Variants in CAST observed in about 807,000 individuals in gnomAD.
The protein encoded by CAST is MIR583 host.
In CAST, 76 loss-of-function variants were observed where a neutral mutation model predicts 119.6. The ratio of observed to expected loss-of-function variants is 0.64; its 90% CI spans 0.53 to 0.77. The LOEUF (loss-of-function observed/expected upper bound fraction) is 0.77. Ranked by LOEUF, CAST falls within the 30% of genes least tolerant of loss-of-function variation. The probability of loss-of-function intolerance (pLI) is 0.00; values close to 1 mark genes in which losing one functional copy is unlikely to be tolerated. For missense variants in CAST, 953 were observed against 946.5 expected, an observed-to-expected ratio of 1.01 and a Z score of -0.09; for synonymous variants, 319 against 331.6, an observed-to-expected ratio of 0.96 and a Z score of 0.41.
At chr5:96,210,229 A>T in the CAST span, 1 of 151,992 alleles carries the variant, frequency 6.6e-6, no homozygotes, top group Non-Finnish European at 1.5e-5. Context: ...AGAGAGCACA[A>T]ATCTAAGAAT....
At chr5:96,513,280 G>A in the CAST span, among the ~76,000 whole-genome samples, 2 of 152,206 alleles carry the variant, frequency 1.3e-5, no homozygotes, top group Non-Finnish European at 2.9e-5. Context: ...GGCTACCACA[G>A]CGAACAGAAC....
the CAST span, among the ~76,000 whole-genome samples, chr5:96,459,928 A>C: frequency 6.6e-6 from 1 of 152,180 alleles, no homozygotes; most frequent in Admixed American, 6.5e-5. Context: ...ATAAGGCTCC[A>C]TCTTCCCTTC....
the CAST span, among the ~76,000 whole-genome samples, chr5:96,292,883 A>G: frequency 1.3e-5 from 2 of 152,244 alleles, no homozygotes; most frequent in African/African-American, 4.8e-5. Flanking sequence ...ACATGAAACA[A>G]TAAATTCCCT....
chr5:96,700,467 A>C (rs561431028), intron 3 of CAST, among the ~76,000 whole-genome samples: 70 of 152,350 alleles, frequency 4.6e-4, no homozygotes, highest in African/African-American at 1.6e-3. Context: ...TTTAATGTAC[A>C]TAATGAGTCA....
At chr5:96,109,040 C>T in the CAST span, among the ~76,000 whole-genome samples, 2 of 152,248 alleles carry the variant, frequency 1.3e-5, no homozygotes, top group African/African-American at 4.8e-5. Flanking sequence ...CTCCCTGACC[C>T]CTTGCGCTTT....
At chr5:96,215,288 C>T in the CAST span, 2 of 152,016 alleles carry the variant, frequency 1.3e-5, no homozygotes, top group Non-Finnish European at 2.9e-5. Context: ...CTGATACTTA[C>T]TGTATTATAA....
At chr5:96,686,996 G>C (rs1011056801) in intron 2 of CAST, among the ~76,000 whole-genome samples, 1 of 152,098 alleles carries the variant, frequency 6.6e-6, no homozygotes, top group African/African-American at 2.4e-5. Context: ...TTCTATTATA[G>C]TTATTCAAGG....
At chr5:96,129,408 G>C in the CAST span, among the ~76,000 whole-genome samples, 4 of 152,090 alleles carry the variant, frequency 2.6e-5, no homozygotes, top group South Asian at 6.2e-4. Context: ...GCTTCAACAA[G>C]AGGAAGTCTT....
At chr5:96,431,194 C>CA in the CAST span, among the ~76,000 whole-genome samples, 1 of 152,154 alleles carries the variant, frequency 6.6e-6, no homozygotes, top group Non-Finnish European at 1.5e-5. Context: ...CTTTGGGTCT[C>CA]AAAAATTCCT....
At chr5:96,071,608 C>A in the CAST span, among the ~76,000 whole-genome samples, 1 of 152,154 alleles carries the variant, frequency 6.6e-6, no homozygotes, top group Non-Finnish European at 1.5e-5. Flanking sequence ...ACTTTCCTGG[C>A]CAGCCTAGAC....
chr5:96,103,969 TC>T, the CAST span, among the ~76,000 whole-genome samples: 1 of 152,216 alleles, frequency 6.6e-6, no homozygotes, highest in Non-Finnish European at 1.5e-5. Context: ...GAGCATTTTT[TC>T]ATGGTGTGAA....
chr5:96,749,207 G>A (rs951086310), intron 19 of CAST, among the ~76,000 whole-genome samples: 7 of 152,088 alleles, frequency 4.6e-5, no homozygotes, highest in African/African-American at 1.7e-4. Context: ...TCTTTTCAAG[G>A]CTCTGCTGAA....
chr5:96,442,170 T>A, the CAST span, among the ~76,000 whole-genome samples: 1 of 152,198 alleles, frequency 6.6e-6, no homozygotes, highest in African/African-American at 2.4e-5. Flanking sequence ...AATAGTTTGA[T>A]GTTTAATATT....
intron 2 of CAST, chr5:96,675,844 G>T: frequency 2.5e-6 from 1 of 394,440 alleles, no homozygotes; most frequent in African/African-American, 2.1e-5. Context: ...TTGTTGCTTA[G>T]GGTGTTTTCC....
the CAST span, among the ~76,000 whole-genome samples, chr5:96,448,951 G>T: frequency 1.3e-5 from 2 of 152,068 alleles, no homozygotes; most frequent in Admixed American, 6.5e-5. Context: ...CACCTAGTTA[G>T]ATCAATTACT....
chr5:95,965,055 C>T, the CAST span: 1 of 152,166 alleles, frequency 6.6e-6, no homozygotes, highest in Non-Finnish European at 1.5e-5. Context: ...CAGAGGTCAC[C>T]AATTCAGATG....
At chr5:96,720,259 T>G (rs1757988994) in intron 3 of CAST, among the ~76,000 whole-genome samples, 1 of 152,248 alleles carries the variant, frequency 6.6e-6, no homozygotes, top group African/African-American at 2.4e-5. Context: ...ACTTTATCAC[T>G]AAGGTGCTTT....
the CAST span, among the ~76,000 whole-genome samples, chr5:96,332,586 C>T: frequency 6.6e-6 from 1 of 152,062 alleles, no homozygotes; most frequent in Non-Finnish European, 1.5e-5. Context: ...TCTTACAAGT[C>T]CCAGAAACTG....
At chr5:96,456,096 G>C in the CAST span, among the ~76,000 whole-genome samples, 1 of 152,168 alleles carries the variant, frequency 6.6e-6, no homozygotes, top group Admixed American at 6.5e-5. Flanking sequence ...ATAGGGAATA[G>C]AGGGGATATC....
Sources: gnomAD v4.1 joint callset for allele counts (sites outside exome capture counted in the v4.1 genomes callset) on GRCh38, gnomAD v4.1.1 for gene constraint, MANE v1.5 for transcripts, NCBI Gene and HGNC (gene_info 2026-07-23, HGNC 2026-07-21) for gene names.